CTNNA1: variants seen among roughly 807,000 people sequenced by gnomAD.
CTNNA1 encodes catenin alpha-1.
CTNNA1 carries 37 observed loss-of-function variants against 98.4 expected under a neutral mutation model. The ratio of observed to expected loss-of-function variants is 0.38; its 90% CI spans 0.29 to 0.49. The LOEUF (loss-of-function observed/expected upper bound fraction) is 0.49. Ranked by LOEUF, CTNNA1 falls within the 20% of genes least tolerant of loss-of-function variation. The pLI is 0.95. For synonymous variants in CTNNA1, 404 were observed against 413.2 expected, an observed-to-expected ratio of 0.98 and a Z score of 0.27; for missense variants, 761 against 1,147.2, an observed-to-expected ratio of 0.66 and a Z score of 4.86.
intron 3 of CTNNA1, among the ~76,000 whole-genome samples, chr5:138,785,516 T>A (rs1359582146): frequency 0.017 from 1 of 58 alleles, no homozygotes; most frequent in Non-Finnish European, 0.033. Flanking sequence ...TATTAACAGA[T>A]GAGTTTGGGC....
chr5:138,904,582 C>T lies in CTNNA1; in HGVS notation c.1389+141C>T, dbSNP rs1758762638. 1.2e-5 allele frequency: 13 copies of T among 1,070,186 alleles called. No individual in the cohort carries two copies. In the African/African-American group the frequency reaches 1.3e-4, roughly 11 times the overall value. The allele number at this position is 1,070,186 out of a possible 1,614,324, so 66.3% of individuals were successfully genotyped here. On this transcript the variant is annotated intron_variant, in intron 10 of 17. Coordinates refer to ENST00000302763, the MANE Select transcript of CTNNA1 (RefSeq NM_001903.5). ...GGGGACAGATCACTGACACAGAACC[C>T]ACATAGTTTGGAATATTTTTTGTTT... is the stretch of plus-strand genomic sequence containing the variant.
At chr5:138,866,598 G>A (rs1484580914) in intron 7 of CTNNA1, among the ~76,000 whole-genome samples, 2 of 152,134 alleles carry the variant, frequency 1.3e-5, no homozygotes, top group African/African-American at 4.8e-5. Context: ...TTTCTATTGG[G>A]AGTTCCTGAC....
chr5:138,805,568 G>A (rs1758004305), intron 3 of CTNNA1, among the ~76,000 whole-genome samples: 1 of 151,946 alleles, frequency 6.6e-6, no homozygotes, highest in African/African-American at 2.4e-5. Flanking sequence ...ACAGGCACCT[G>A]TTTAAATCCT....
chr5:138,806,200 T>C (rs1162481338), intron 3 of CTNNA1, among the ~76,000 whole-genome samples: 1 of 152,232 alleles, frequency 6.6e-6, no homozygotes, highest in East Asian at 1.9e-4. Context: ...ATTCTCAAAG[T>C]TGATTGATCT....
chr5:138,918,256 T>G (rs1019229649), intron 11 of CTNNA1, among the ~76,000 whole-genome samples: 1 of 152,156 alleles, frequency 6.6e-6, no homozygotes, highest in Non-Finnish European at 1.5e-5. Flanking sequence ...TTGCTGCCAT[T>G]GTGTTTAGAA....
At chr5:138,931,741 A>C in intron 16 of CTNNA1, 5 of 985,450 alleles carry the variant, frequency 5.1e-6, no homozygotes, top group Non-Finnish European at 6.0e-6. Flanking sequence ...CTGTCATCTG[A>C]AAATGCAGAT....
rs909425483 is a variant in CTNNA1 at position 138,932,573 on chromosome 5, T to C, written c.2299-5T>C. 4.3e-6 allele frequency: 7 copies of C among 1,613,930 alleles called. No homozygotes were observed. In the Admixed American group the frequency reaches 6.7e-5, roughly 15 times the overall value. Reference sequence around the variant, plus strand: ...TACTTGGTGTTAAGCCTGCTCTCTCTTCAGTGCCCCGACTCGGCTTGCAAG... The same window carrying C: ...TACTTGGTGTTAAGCCTGCTCTCTCCTCAGTGCCCCGACTCGGCTTGCAAG... On this transcript the variant is annotated splice_polypyrimidine_tract_variant and splice_region_variant and intron_variant, in intron 16 of 17. Coordinates refer to ENST00000302763, the MANE Select transcript of CTNNA1 (RefSeq NM_001903.5).
chr5:138,885,713 A>G (rs1753882067), intron 7 of CTNNA1, among the ~76,000 whole-genome samples: 1 of 152,162 alleles, frequency 6.6e-6, no homozygotes, highest in South Asian at 2.1e-4. Flanking sequence ...CATAATAAAC[A>G]TTATTAGCTC....
intron 7 of CTNNA1, among the ~76,000 whole-genome samples, chr5:138,884,631 ATAATCTG>A (rs901584176): frequency 4.6e-5 from 7 of 152,220 alleles, no homozygotes; most frequent in African/African-American, 1.7e-4. Flanking sequence ...ATTGCTACAA[ATAATCTG>A]CTTTGTCAGT....
intron 1 of CTNNA1, among the ~76,000 whole-genome samples, chr5:138,777,183 T>A (rs2149630362): frequency 6.7e-6 from 1 of 149,906 alleles, no homozygotes; most frequent in Non-Finnish European, 1.5e-5. Context: ...CCAGACGGGG[T>A]CGCGGCCGGG....
chr5:138,773,254 G>A (rs535186017), intron 1 of CTNNA1, among the ~76,000 whole-genome samples: 33 of 152,312 alleles, frequency 2.2e-4, no homozygotes, highest in Middle Eastern at 3.4e-3. Context: ...AAACAAAGAA[G>A]ACGATACGAG....
intron 7 of CTNNA1, among the ~76,000 whole-genome samples, chr5:138,848,982 A>C (rs1029477299): frequency 6.6e-6 from 1 of 152,132 alleles, no homozygotes; most frequent in African/African-American, 2.4e-5. Flanking sequence ...TCGGCCTCCC[A>C]AATTGCTGGG....
intron 9 of CTNNA1, among the ~76,000 whole-genome samples, chr5:138,889,302 C>T (rs551782572): frequency 6.6e-6 from 1 of 152,314 alleles, no homozygotes; most frequent in East Asian, 1.9e-4. Flanking sequence ...CTGCATTATC[C>T]TCTGCCTCTC....
At chr5:138,929,945 G>A (rs28363486) in intron 14 of CTNNA1, among the ~76,000 whole-genome samples, 13 of 152,296 alleles carry the variant, frequency 8.5e-5, no homozygotes, top group Admixed American at 3.9e-4. Flanking sequence ...AAGCTGAGAG[G>A]GAGGAGCTCC....
At chr5:138,854,139 T>C (rs1220031317) in intron 7 of CTNNA1, among the ~76,000 whole-genome samples, 1 of 152,204 alleles carries the variant, frequency 6.6e-6, no homozygotes, top group East Asian at 1.9e-4. Flanking sequence ...GTTTTAAGAA[T>C]ATTTGTTTTT....
intron 7 of CTNNA1, among the ~76,000 whole-genome samples, chr5:138,832,560 A>G (rs1033252080): frequency 6.6e-5 from 10 of 152,358 alleles, no homozygotes; most frequent in Admixed American, 6.5e-4. Flanking sequence ...ATGTAATTAA[A>G]TTTGAAAAAG....
At chr5:138,799,790 T>C (rs981227224) in intron 3 of CTNNA1, among the ~76,000 whole-genome samples, 6 of 152,156 alleles carry the variant, frequency 3.9e-5, no homozygotes, top group African/African-American at 1.2e-4. Flanking sequence ...ACTAATACTT[T>C]ATGTTAGCCA....
At chr5:138,861,102 C>A (rs897310439) in intron 7 of CTNNA1, among the ~76,000 whole-genome samples, 3 of 152,038 alleles carry the variant, frequency 2.0e-5, no homozygotes, top group African/African-American at 7.2e-5. Context: ...TCACTGTAAC[C>A]TTTCAGCTGT....
chr5:138,768,410 C>T (rs1011294608), intron 1 of CTNNA1, among the ~76,000 whole-genome samples: 1 of 151,866 alleles, frequency 6.6e-6, no homozygotes, highest in Non-Finnish European at 1.5e-5. Context: ...AGGTGCACAC[C>T]ACCACACCCA....
Sources: gnomAD v4.1 joint callset for allele counts (sites outside exome capture counted in the v4.1 genomes callset) on GRCh38, gnomAD v4.1.1 for gene constraint, MANE v1.5 for transcripts, NCBI Gene and HGNC (gene_info 2026-07-23, HGNC 2026-07-21) for gene names.